ZNF75D: variants seen among roughly 807,000 people sequenced by gnomAD.
ZNF75D encodes zinc finger protein 75.
Under a neutral mutation model 33.3 loss-of-function variants are expected in ZNF75D, and 33 were observed. The observed-to-expected ratio is 0.99, with a 90% CI of 0.75 to 1.32. The LOEUF (loss-of-function observed/expected upper bound fraction) is 1.32. ZNF75D is among the 40% of genes most tolerant of loss of function. The pLI is 0.00. For missense variants in ZNF75D, 338 were observed against 367.5 expected, an observed-to-expected ratio of 0.92 and a Z score of 0.66; for synonymous variants, 113 against 130.6, an observed-to-expected ratio of 0.87 and a Z score of 0.92.
chrX:135,338,634 A>G (rs1468702663), intron 1 of ZNF75D, among the ~76,000 whole-genome samples: 2 of 111,566 alleles, frequency 1.8e-5, no homozygotes, highest in African/African-American at 6.5e-5. Context: ...CAGAAATGTG[A>G]CTCTCTTTAT....
intron 1 of ZNF75D, among the ~76,000 whole-genome samples, chrX:135,265,077 G>A (rs1450660269): frequency 9.0e-6 from 1 of 111,093 alleles, no homozygotes; most frequent in Admixed American, 9.5e-5. Context: ...AAATTAGCCA[G>A]GTGTGGTGGC....
intron 1 of ZNF75D, among the ~76,000 whole-genome samples, chrX:135,305,844 A>G (rs782619012): frequency 8.9e-6 from 1 of 111,878 alleles, no homozygotes; most frequent in African/African-American, 3.2e-5. Context: ...TAGCAGAGAC[A>G]GGTGAGAAGT....
chrX:135,283,511 G>T (rs1342766216), downstream of ZNF75D, among the ~76,000 whole-genome samples: 2 of 111,993 alleles, frequency 1.8e-5, no homozygotes, highest in Non-Finnish European at 3.8e-5. Context: ...AGCAAGGAGA[G>T]CCTTTAAATT....
In ZNF75D at chrX:135,293,911, C is replaced by T; in HGVS notation, c.230G>A (p.Trp77Ter). The T allele has an allele frequency of 8.3e-7, 1 of 1,210,975 alleles. No homozygotes were observed. The highest frequency in any genetic ancestry group is 1.1e-6 in the Non-Finnish European group (1 of 894,873). The change falls in exon 3 of 7, where the codon TGG (tryptophan) becomes TAG (stop). Residue 77 changes from tryptophan (W) to a stop codon, truncating the protein, a stop_gained. Coordinates refer to ENST00000370766, the MANE Select transcript of ZNF75D (RefSeq NM_007131.5). LOFTEE classifies it high-confidence loss of function. Reference protein sequence around the residue: ...ISQLQKLCHQWLRPEIHSKEQ... With the variant: ...ISQLQKLCHQ ...TTTTGAGTGGATCTCTGGCCTCAGC[C>T]ACTGATGGCACAATTTCTGAAGTTG...
chrX:135,299,841 C>T (rs2084189849), intron 1 of ZNF75D, among the ~76,000 whole-genome samples: 2 of 112,075 alleles, frequency 1.8e-5, no homozygotes, highest in African/African-American at 3.2e-5. Context: ...TATGGATATT[C>T]AGTTGACCTA....
chrX:135,287,144 G>A lies in ZNF75D; in HGVS notation c.1526C>T (p.Pro509Leu), dbSNP rs782291799. The stretch of plus-strand genomic sequence containing the variant: ...TCTACATGGTAACTTTCCTCAGTTT[G>A]GAGACACTAGACATGCTTCCCTTCT... ...HRRREACLVSPN is the reference protein window; with the variant it reads ...HRRREACLVSLN The change falls in exon 7 of 7, where the codon CCA becomes CTA. Residue 509 changes from proline to leucine, a missense_variant. Around this residue, in one of 3 missense-constraint regions of ZNF75D, gnomAD observed 79 missense variants for 80.1 expected, o/e 0.99. Transcript: ENST00000370766. 7.5e-6 allele frequency: 9 copies of A among 1,195,815 alleles called. No individual in the cohort carries two copies. The highest frequency in any genetic ancestry group is 4.8e-5 in the Admixed American group (2 of 41,740).
At chrX:135,270,392 T>TAC (rs1556416828) in intron 1 of ZNF75D, among the ~76,000 whole-genome samples, 8 of 85,155 alleles carry the variant, frequency 9.4e-5, no homozygotes, top group Non-Finnish European at 1.6e-4. Flanking sequence ...TATATATATA[T>TAC]ACACATATTT....
intron 1 of ZNF75D, among the ~76,000 whole-genome samples, chrX:135,266,576 A>G (rs1187892519): frequency 2.7e-5 from 3 of 112,116 alleles, no homozygotes; most frequent in African/African-American, 6.5e-5. Context: ...GCAAGAGCAT[A>G]TAAGGATTGT....
intron 1 of ZNF75D, among the ~76,000 whole-genome samples, chrX:135,322,199 A>T (rs2084505003): frequency 8.9e-6 from 1 of 112,191 alleles, no homozygotes; most frequent in Admixed American, 9.4e-5. Context: ...TCCATTGTTG[A>T]GTCAGGGTCT....
Position 135,293,802 on chromosome X carries a change from A to T in ZNF75D, c.339T>A (p.His113Gln). Residue 113 changes from histidine to glutamine, a missense_variant, in exon 3 of 7, where the codon CAT (histidine) becomes CAA (glutamine). Coordinates refer to ENST00000370766, the MANE Select transcript of ZNF75D (RefSeq NM_007131.5). ...CCAGAGCCTGTTTGACATTCTGTGG[A>T]TGATGCTTCTGCACCCAGTTCTGGG... ...KETQNWVQKHHPQNVKQALVL... is the reference protein window; with the variant it reads ...KETQNWVQKHQPQNVKQALVL... 8.3e-7 allele frequency: 1 copy of T among 1,207,778 alleles called. No homozygotes were observed. Among genetic ancestry groups the T allele is most frequent in the African/African-American group, 1.7e-5 (1 of 57,794 alleles).
intron 1 of ZNF75D, among the ~76,000 whole-genome samples, chrX:135,331,328 T>C (rs1459758019): frequency 9.0e-6 from 1 of 110,992 alleles, no homozygotes; most frequent in African/African-American, 3.3e-5. Flanking sequence ...CCACAGCCAA[T>C]TGAAGAGAAT....
At chrX:135,291,611 A>G (rs369491345) in intron 4 of ZNF75D, 48 bp from the exon 5 acceptor site, 9 of 1,187,350 alleles carry the variant, frequency 7.6e-6, no homozygotes, top group Non-Finnish European at 1.0e-5. Flanking sequence ...CTATTTACAA[A>G]CATCCCAAGC....
At chrX:135,290,319 T>C (rs936810514) in intron 6 of ZNF75D, among the ~76,000 whole-genome samples, 3 of 112,121 alleles carry the variant, frequency 2.7e-5, no homozygotes, top group African/African-American at 9.7e-5. Context: ...TCAAAATAAA[T>C]GTAAGTTGTG....
At chrX:135,277,764 T>C (rs1556417826) in intron 1 of ZNF75D, among the ~76,000 whole-genome samples, 4 of 112,243 alleles carry the variant, frequency 3.6e-5, no homozygotes, top group African/African-American at 1.3e-4. Flanking sequence ...CCATTGCTTG[T>C]TGTTGTCATG....
chrX:135,314,423 A>G (rs1370062645), intron 1 of ZNF75D, among the ~76,000 whole-genome samples: 1 of 111,826 alleles, frequency 8.9e-6, no homozygotes, highest in African/African-American at 3.2e-5. Flanking sequence ...ATTTGTGTCT[A>G]TGCTCATCAG....
chrX:135,287,919 C>A (rs2083980815), intron 6 of ZNF75D, 73 bp from the exon 7 acceptor site: 2 of 815,627 alleles, frequency 2.5e-6, no homozygotes, highest in African/African-American at 4.2e-5. Flanking sequence ...AGAGAAAAGT[C>A]AATGATGATT....
intron 1 of ZNF75D, among the ~76,000 whole-genome samples, chrX:135,313,232 C>G (rs1216255647): frequency 9.0e-6 from 1 of 111,579 alleles, no homozygotes; most frequent in Non-Finnish European, 1.9e-5. Flanking sequence ...TTCCCAGCAC[C>G]ATTTATTAAA....
In ZNF75D at chrX:135,291,574, A is replaced by G; in HGVS notation, c.605-11T>C. On this transcript the variant is annotated splice_polypyrimidine_tract_variant and intron_variant, in intron 4 of 6. Coordinates refer to ENST00000370766, the MANE Select transcript of ZNF75D (RefSeq NM_007131.5). ...GTTGATCATGCACAGCTGTGGGTAG[A>G]AAATAGCCAGGGAAAATTTCTGTTT... is the stretch of plus-strand genomic sequence containing the variant. 8.3e-7 allele frequency: 1 copy of G among 1,204,755 alleles called. No individual in the cohort carries two copies. Among genetic ancestry groups the G allele is most frequent in the South Asian group, 1.8e-5 (1 of 55,279 alleles).
chrX:135,328,373 G>C (rs1556438762), intron 1 of ZNF75D, among the ~76,000 whole-genome samples: 1 of 111,408 alleles, frequency 9.0e-6, no homozygotes, highest in Non-Finnish European at 1.9e-5. Context: ...AAACAAATTA[G>C]TTCTGAACCC....
Sources: gnomAD v4.1 joint callset for allele counts (sites outside exome capture counted in the v4.1 genomes callset) on GRCh38, gnomAD v4.1.1 for gene constraint, gnomAD v4.1.1 regional missense constraint, MANE v1.5 for transcripts, NCBI Gene and HGNC (gene_info 2026-07-23, HGNC 2026-07-21) for gene names.